SHISA9: variants seen among roughly 807,000 people sequenced by gnomAD.
SHISA9 encodes protein shisa-9.
In SHISA9, 13 loss-of-function variants were observed where a neutral mutation model predicts 38.0. That is an observed-to-expected ratio of 0.34 (90% CI 0.22 to 0.54). SHISA9 has a LOEUF of 0.54. Among genes scored for constraint, SHISA9 ranks in the 20% least tolerant of loss-of-function variants. The probability of loss-of-function intolerance (pLI) is 0.91; values close to 1 mark genes in which losing one functional copy is unlikely to be tolerated. For synonymous variants in SHISA9, 275 were observed against 242.0 expected, an observed-to-expected ratio of 1.14 and a Z score of -1.27; for missense variants, 538 against 575.8, an observed-to-expected ratio of 0.93 and a Z score of 0.67.
At chr16:13,122,302 T>C (rs926867152) in intron 2 of SHISA9, among the ~76,000 whole-genome samples, 1 of 152,192 alleles carries the variant, frequency 6.6e-6, no homozygotes, top group African/African-American at 2.4e-5. Context: ...CTGATATCCC[T>C]TTAGGACACG....
the SHISA9 span, among the ~76,000 whole-genome samples, chr16:13,557,484 C>G: frequency 6.6e-6 from 1 of 152,126 alleles, no homozygotes; most frequent in African/African-American, 2.4e-5. Context: ...ACACCCGTGG[C>G]AAAGCTGCCT....
chr16:13,028,254 A>G (rs2072949189), intron 2 of SHISA9, among the ~76,000 whole-genome samples: 1 of 152,162 alleles, frequency 6.6e-6, no homozygotes, highest in South Asian at 2.1e-4. Flanking sequence ...TGCCTCTATC[A>G]TTGGGTTCTA....
chr16:13,333,762 C>T, the SHISA9 span, among the ~76,000 whole-genome samples: 4 of 152,094 alleles, frequency 2.6e-5, no homozygotes, highest in African/African-American at 2.4e-5. Flanking sequence ...TTAAGGCAAC[C>T]ATCCTACCCT....
At chr16:13,278,113 T>A in the SHISA9 span, among the ~76,000 whole-genome samples, 1 of 152,058 alleles carries the variant, frequency 6.6e-6, no homozygotes, top group Non-Finnish European at 1.5e-5. Flanking sequence ...TTTCTGAGAG[T>A]TTTAGTCATA....
At chr16:13,302,142 T>C in the SHISA9 span, among the ~76,000 whole-genome samples, 1 of 152,122 alleles carries the variant, frequency 6.6e-6, no homozygotes, top group African/African-American at 2.4e-5. Context: ...TGTTTCTCGG[T>C]CCAGTTGTGT....
chr16:13,517,704 A>G, the SHISA9 span, among the ~76,000 whole-genome samples: 1 of 152,190 alleles, frequency 6.6e-6, no homozygotes, highest in East Asian at 1.9e-4. Context: ...GGCAGAAAAG[A>G]GAAGGACCTC....
chr16:13,085,580 A>G (rs922495288), intron 2 of SHISA9, among the ~76,000 whole-genome samples: 3 of 152,216 alleles, frequency 2.0e-5, no homozygotes, highest in African/African-American at 4.8e-5. Context: ...TCGCCTGCCC[A>G]GGGTTCAAGG....
the SHISA9 span, among the ~76,000 whole-genome samples, chr16:13,528,412 C>CAA: frequency 2.0e-4 from 28 of 142,142 alleles, no homozygotes; most frequent in Non-Finnish European, 1.5e-4. Context: ...ACTTGGAGTT[C>CAA]AAAAAAAAAA....
the SHISA9 span, among the ~76,000 whole-genome samples, chr16:13,417,613 T>C: frequency 4.6e-5 from 7 of 152,216 alleles, no homozygotes; most frequent in African/African-American, 1.7e-4. Context: ...GGATCCCTCA[T>C]TCCTAAAGCA....
At chr16:13,088,063 A>G (rs1056704101) in intron 2 of SHISA9, among the ~76,000 whole-genome samples, 1 of 152,194 alleles carries the variant, frequency 6.6e-6, no homozygotes, top group Non-Finnish European at 1.5e-5. Context: ...TCGCAGTATC[A>G]TTTATTAAAT....
intron 2 of SHISA9, among the ~76,000 whole-genome samples, chr16:13,057,173 G>A (rs561745971): frequency 6.6e-6 from 1 of 152,332 alleles, no homozygotes; most frequent in South Asian, 2.1e-4. Context: ...GAGGCTCAGA[G>A]GGCCAGTCCT....
the SHISA9 span, among the ~76,000 whole-genome samples, chr16:13,437,766 G>T: frequency 6.6e-6 from 1 of 151,980 alleles, no homozygotes; most frequent in Non-Finnish European, 1.5e-5. Context: ...GGGATCCAAG[G>T]TCCTATCAGT....
At chr16:12,992,154 C>T (rs141825682) in intron 2 of SHISA9, among the ~76,000 whole-genome samples, 90 of 152,076 alleles carry the variant, frequency 5.9e-4, no homozygotes, top group African/African-American at 2.1e-3. Flanking sequence ...ATAAGTTTAA[C>T]GCTGATAAGT....
At chr16:13,144,441 G>A (rs564567380) in intron 2 of SHISA9, among the ~76,000 whole-genome samples, 1 of 152,066 alleles carries the variant, frequency 6.6e-6, no homozygotes, top group African/African-American at 2.4e-5. Context: ...GTGAGCCACC[G>A]TGCCTGGCTG....
chr16:13,320,885 C>G, the SHISA9 span, among the ~76,000 whole-genome samples: 50 of 152,332 alleles, frequency 3.3e-4, no homozygotes, highest in African/African-American at 1.1e-3. Context: ...ATCTGAGTGT[C>G]TCTAAACTAT....
At chr16:13,331,802 G>A in the SHISA9 span, 1 of 152,246 alleles carries the variant, frequency 6.6e-6, no homozygotes, top group African/African-American at 2.4e-5. Context: ...TCTAGTCCTT[G>A]GTTTCCTATC....
the SHISA9 span, among the ~76,000 whole-genome samples, chr16:13,300,192 T>C: frequency 2.6e-5 from 4 of 152,234 alleles, no homozygotes; most frequent in South Asian, 2.1e-4. Context: ...CCCTTTCTTC[T>C]TCCCTCCCCA....
chr16:13,381,872 T>C, the SHISA9 span, among the ~76,000 whole-genome samples: 1 of 152,166 alleles, frequency 6.6e-6, no homozygotes, highest in Non-Finnish European at 1.5e-5. Context: ...TAGAACTAAT[T>C]ATGTGTATTA....
intron 1 of SHISA9, among the ~76,000 whole-genome samples, chr16:12,913,886 A>T (rs2071219039): frequency 1.3e-5 from 2 of 151,308 alleles, no homozygotes; most frequent in South Asian, 2.1e-4. Flanking sequence ...TTCCTGTAAC[A>T]CATCTCGTGT....
Sources: allele counts gnomAD v4.1 joint callset (sites outside exome capture counted in the v4.1 genomes callset), GRCh38; gene constraint gnomAD v4.1.1; transcripts MANE v1.5; gene names NCBI Gene and HGNC (gene_info 2026-07-23, HGNC 2026-07-21).